MACF1: variants seen among roughly 807,000 people sequenced by gnomAD.
MACF1 encodes microtubule actin crosslinking factor 1.
Under a neutral mutation model 854.8 loss-of-function variants are expected in MACF1, and 193 were observed. That is an observed-to-expected ratio of 0.23 (90% CI 0.20 to 0.25). MACF1 has a LOEUF of 0.25. Ranked by LOEUF, MACF1 falls within the 10% of genes least tolerant of loss-of-function variation. MACF1 has a pLI of 1.00. For missense variants in MACF1, 7,722 were observed against 8,929.1 expected, an observed-to-expected ratio of 0.86 and a Z score of 5.45; for synonymous variants, 3,185 against 3,226.7, an observed-to-expected ratio of 0.99 and a Z score of 0.44.
At chr1:39,353,864 C>A (rs985142623) in intron 44 of MACF1, among the ~76,000 whole-genome samples, 3 of 152,098 alleles carry the variant, frequency 2.0e-5, no homozygotes, top group African/African-American at 7.2e-5. Context: ...AGCTATACTT[C>A]TTCATCTTTA....
intron 58 of MACF1, among the ~76,000 whole-genome samples, chr1:39,391,974 TGGGAGAA>T (rs1334115134): frequency 6.6e-6 from 1 of 151,112 alleles, no homozygotes; most frequent in Non-Finnish European, 1.5e-5. Context: ...GGAAGAAGAG[TGGGAGAA>T]GGGAGAAGGG....
chr1:39,226,636 G>A (rs1644719926), intron 1 of MACF1, among the ~76,000 whole-genome samples: 1 of 152,128 alleles, frequency 6.6e-6, no homozygotes, highest in Non-Finnish European at 1.5e-5. Context: ...ACCGCGCCTG[G>A]CCTATGGATA....
intron 51 of MACF1, 46 bp from the exon 52 acceptor site, chr1:39,372,433 G>A (rs370172075): frequency 1.3e-5 from 15 of 1,125,098 alleles, no homozygotes; most frequent in Admixed American, 8.8e-5. Context: ...TACTTATGAG[G>A]AAAAAGCCCC....
chr1:39,366,261 G>A (rs998011225), intron 49 of MACF1, among the ~76,000 whole-genome samples: 1 of 152,068 alleles, frequency 6.6e-6, no homozygotes, highest in African/African-American at 2.4e-5. Flanking sequence ...AAATACATAC[G>A]CATGCACTTT....
chr1:39,371,088 A>G (rs1008479283), intron 51 of MACF1, among the ~76,000 whole-genome samples: 1 of 152,108 alleles, frequency 6.6e-6, no homozygotes, highest in African/African-American at 2.4e-5. Context: ...TAGGAGGCCG[A>G]GGCGGGTGGA....
intron 6 of MACF1, among the ~76,000 whole-genome samples, chr1:39,270,183 A>G (rs1645290160): frequency 6.6e-6 from 1 of 152,184 alleles, no homozygotes; most frequent in Admixed American, 6.5e-5. Flanking sequence ...GGAGAGTGAT[A>G]TTCTTACTAG....
chr1:39,199,956 C>G (rs1235562268), upstream of MACF1, among the ~76,000 whole-genome samples: 1 of 152,214 alleles, frequency 6.6e-6, no homozygotes, highest in African/African-American at 2.4e-5. Flanking sequence ...TCTCTATTGA[C>G]CCTACATTGC....
chr1:39,444,718 G>A lies in MACF1; in HGVS notation c.19488G>A (p.Lys6496=), dbSNP rs1298280981. The change falls in exon 80 of 101, where the codon AAG becomes AAA. Residue 6496 remains lysine, a synonymous_variant. Transcript: ENST00000564288. ...KEETYNQLLD[K]GRLMLLSRDD... ...AGACTTATAATCAACTACTTGACAA[G>A]GGCAGACTCATGCTTCTAAGCCGTG... 3 of 1,613,986 alleles carry A rather than the reference G, an allele frequency of 1.9e-6. No individual in the cohort carries two copies. In the African/African-American group the frequency reaches 4.0e-5, roughly 22 times the overall value.
chr1:39,216,166 A>T (rs1321931130), intron 1 of MACF1, among the ~76,000 whole-genome samples: 1 of 152,148 alleles, frequency 6.6e-6, no homozygotes, highest in Non-Finnish European at 1.5e-5. Context: ...AAGAAAATGT[A>T]GTGTGTCTTT....
chr1:39,115,015 T>A (rs1270890985), intron 2 of MACF1, among the ~76,000 whole-genome samples: 1 of 151,970 alleles, frequency 6.6e-6, no homozygotes, highest in Non-Finnish European at 1.5e-5. Flanking sequence ...GAGCATAGGA[T>A]GTGAGGGAAG....
At chr1:39,289,693 C>CTGTTTTTTTTT (rs1645730592) in intron 15 of MACF1, among the ~76,000 whole-genome samples, 1 of 28,940 alleles carries the variant, frequency 3.5e-5, no homozygotes, top group African/African-American at 1.3e-4. Context: ...GTGGGTTGTC[C>CTGTTTTTTTTT]TTTTTTTTTT....
intron 61 of MACF1, among the ~76,000 whole-genome samples, chr1:39,424,690 A>G (rs993339483): frequency 1.3e-5 from 2 of 152,206 alleles, no homozygotes; most frequent in Non-Finnish European, 2.9e-5. Flanking sequence ...ACCTCAATAA[A>G]TGGTCAAAAA....
chr1:39,216,323 A>G (rs2148283700), intron 1 of MACF1, among the ~76,000 whole-genome samples: 1 of 152,326 alleles, frequency 6.6e-6, no homozygotes, highest in South Asian at 2.1e-4. Flanking sequence ...ATGAAAAGTG[A>G]CAACTTCTGT....
intron 97 of MACF1, among the ~76,000 whole-genome samples, chr1:39,479,396 A>G (rs1324999681): frequency 1.3e-5 from 2 of 152,204 alleles, no homozygotes; most frequent in Non-Finnish European, 2.9e-5. Flanking sequence ...TCATTACCAC[A>G]TATCCTGCAA....
intron 80 of MACF1, 130 bp from the exon 81 acceptor site, chr1:39,447,302 T>C: frequency 1.2e-6 from 1 of 817,510 alleles, no homozygotes; most frequent in Non-Finnish European, 2.0e-6. Context: ...GTTTGGACGT[T>C]GATTAAATGA....
At chr1:39,208,132 C>CA (rs1192716249) in intron 1 of MACF1, among the ~76,000 whole-genome samples, 2,740 of 80,184 alleles carry the variant, frequency 0.034, 74 homozygotes, top group African/African-American at 0.11. Context: ...GAGTCCGTCT[C>CA]AAAAAAAAAA....
chr1:39,250,869 G>T (rs997122074), intron 3 of MACF1, among the ~76,000 whole-genome samples: 1 of 152,120 alleles, frequency 6.6e-6, no homozygotes, highest in Non-Finnish European at 1.5e-5. Context: ...CTATATTTGA[G>T]CCTAATGGGA....
intron 6 of MACF1, among the ~76,000 whole-genome samples, chr1:39,258,923 T>G (rs961798264): frequency 5.9e-5 from 9 of 152,158 alleles, no homozygotes; most frequent in African/African-American, 2.2e-4. Flanking sequence ...AGGCTCTAGT[T>G]TGGAAGCAAT....
Position 39,254,371 on chromosome 1 carries a change from G to A in MACF1, c.431G>A (p.Arg144Gln), listed in dbSNP as rs779968751. The change falls in exon 5 of 101, where the codon CGA becomes CAA. Residue 144 changes from arginine to glutamine, a missense_variant. Arg to Gln is a conservative substitution (Grantham distance 43). This residue lies in a region of MACF1 where 108 missense variants were observed against 196.4 expected (regional missense o/e 0.55). Coordinates refer to ENST00000564288, the MANE Select transcript of MACF1 (RefSeq NM_001394062.1). ...VQIALDFLKQRQVKLVNIRND... is the reference protein window; with the variant it reads ...VQIALDFLKQQQVKLVNIRND... ...ATTGCCCTGGACTTCCTAAAGCAGC[G>A]ACAGGTAAGACCATCACATGCCTTC... The A allele has an allele frequency of 1.1e-5, 18 of 1,613,854 alleles. No homozygotes were observed. Among genetic ancestry groups the A allele is most frequent in the Middle Eastern group, 1.6e-4 (1 of 6,074 alleles).
Sources: gnomAD v4.1 joint callset for allele counts (sites outside exome capture counted in the v4.1 genomes callset) on GRCh38, gnomAD v4.1.1 for gene constraint, gnomAD v4.1.1 regional missense constraint, MANE v1.5 for transcripts, NCBI Gene and HGNC (gene_info 2026-07-23, HGNC 2026-07-21) for gene names.